Variants in RMST observed in about 807,000 individuals in gnomAD.
RMST encodes the protein long intergenic non-protein coding RNA 54.
intron 5 of RMST, among the ~76,000 whole-genome samples, chr12:97,469,558 A>G (rs1873647799): frequency 6.6e-6 from 1 of 152,054 alleles, no homozygotes; most frequent in African/African-American, 2.4e-5. Context: ...GAATGGTATC[A>G]TCATTACGTT....
chr12:97,548,678 C>T (rs989346617), intron 11 of RMST, among the ~76,000 whole-genome samples: 1 of 151,852 alleles, frequency 6.6e-6, no homozygotes, highest in African/African-American at 2.4e-5. Flanking sequence ...AGAAGTACTG[C>T]TAATTTTTAT....
At chr12:97,467,457 A>G (rs1272644508) in intron 5 of RMST, among the ~76,000 whole-genome samples, 2 of 152,026 alleles carry the variant, frequency 1.3e-5, no homozygotes, top group African/African-American at 4.8e-5. Flanking sequence ...TAATTAGACA[A>G]ATTTTTATAC....
intron 11 of RMST, among the ~76,000 whole-genome samples, chr12:97,556,888 G>A (rs1264185615): frequency 2.0e-5 from 3 of 152,060 alleles, no homozygotes; most frequent in Non-Finnish European, 4.4e-5. Flanking sequence ...ATAGACTTGG[G>A]AAAAAGGAGG....
At chr12:97,474,164 G>T (rs1194697519) in intron 5 of RMST, among the ~76,000 whole-genome samples, 1 of 152,082 alleles carries the variant, frequency 6.6e-6, no homozygotes, top group Admixed American at 6.6e-5. Context: ...ATCCTATTAC[G>T]TGAAGGGACT....
At chr12:97,504,693 T>C (rs1579200) in intron 10 of RMST, among the ~76,000 whole-genome samples, 128,927 of 152,154 alleles carry the variant, frequency 0.85, 55,260 homozygotes, top group African/African-American at 0.97. Context: ...AAAGGAGTCC[T>C]TAGAAAAATT....
At chr12:97,562,353 C>G (rs1884179026) in intron 13 of RMST, among the ~76,000 whole-genome samples, 1 of 152,108 alleles carries the variant, frequency 6.6e-6, no homozygotes, top group Admixed American at 6.5e-5. Context: ...AAGTGTTGAG[C>G]TGGCTAAGAA....
chr12:97,472,558 C>T (rs541252681), intron 5 of RMST, among the ~76,000 whole-genome samples: 1 of 152,240 alleles, frequency 6.6e-6, no homozygotes, highest in East Asian at 1.9e-4. Flanking sequence ...CAGTTACTTA[C>T]TGATTGGATC....
At chr12:97,516,948 G>C (rs1348593553) in intron 10 of RMST, among the ~76,000 whole-genome samples, 1 of 151,886 alleles carries the variant, frequency 6.6e-6, no homozygotes, top group African/African-American at 2.4e-5. Context: ...ATACCTAATA[G>C]TATTATTATG....
intron 11 of RMST, among the ~76,000 whole-genome samples, chr12:97,549,552 G>C (rs1883173509): frequency 6.6e-6 from 1 of 152,232 alleles, no homozygotes; most frequent in African/African-American, 2.4e-5. Context: ...CATGGTGTCT[G>C]TCTCAAGGGG....
intron 11 of RMST, chr12:97,532,603 G>A (rs1204498147): frequency 2.7e-5 from 4 of 148,752 alleles, no homozygotes; most frequent in African/African-American, 7.5e-5. Context: ...AGGTCTGTGA[G>A]GATTAGAAAG....
chr12:97,536,583 G>A (rs973483796), intron 11 of RMST, among the ~76,000 whole-genome samples: 10 of 151,426 alleles, frequency 6.6e-5, no homozygotes, highest in Non-Finnish European at 1.3e-4. Flanking sequence ...AGAGAGTGAG[G>A]AAGTGTTTGT....
intron 13 of RMST, chr12:97,563,985 G>T (rs926661298): frequency 4.5e-6 from 2 of 443,256 alleles, no homozygotes; most frequent in East Asian, 7.2e-5. Flanking sequence ...ACAAGATTTA[G>T]TGTATAGCTC....
Position 97,561,387 on chromosome 12 carries a change from C to T in RMST, n.1958+340C>T, listed in dbSNP as rs575365224. 1.7e-3 allele frequency among the ~76,000 whole-genome samples: 255 copies of T among 152,132 alleles called. 2 individuals are homozygous for T. The highest frequency in any genetic ancestry group is 6.8e-3 in the Middle Eastern group (2 of 294). ...TGTTCTGTCTTCTCTCTGTTGTGAA[C>T]GCAGGTTGGGAGAATTAGCCAACCA... On this transcript the variant is annotated intron_variant and non_coding_transcript_variant, in intron 13 of 13. Coordinates refer to ENST00000640149, the Ensembl canonical transcript of RMST.
chr12:97,470,249 C>T (rs562314706), intron 5 of RMST, among the ~76,000 whole-genome samples: 3 of 152,010 alleles, frequency 2.0e-5, no homozygotes, highest in East Asian at 1.9e-4. Flanking sequence ...CATTTTTTAC[C>T]GTGTCTGTGT....
intron 10 of RMST, among the ~76,000 whole-genome samples, chr12:97,526,270 A>G (rs901318235): frequency 2.6e-5 from 4 of 152,100 alleles, no homozygotes; most frequent in African/African-American, 9.7e-5. Flanking sequence ...GCTATAATAT[A>G]CAATACCCAT....
chr12:97,484,799 T>C (rs1875881694), intron 5 of RMST, among the ~76,000 whole-genome samples: 1 of 152,250 alleles, frequency 6.6e-6, no homozygotes, highest in Non-Finnish European at 1.5e-5. Context: ...TCTAGTGCCA[T>C]ATAATTTACA....
At chr12:97,495,405 G>A (rs1173884476) in intron 9 of RMST, among the ~76,000 whole-genome samples, 3 of 152,034 alleles carry the variant, frequency 2.0e-5, no homozygotes, top group Admixed American at 6.6e-5. Flanking sequence ...AAGCAATGGC[G>A]AGATGATGGA....
chr12:97,538,677 G>A (rs1803397552), intron 11 of RMST, among the ~76,000 whole-genome samples: 1 of 151,370 alleles, frequency 6.6e-6, no homozygotes, highest in Non-Finnish European at 1.5e-5. Context: ...TGATTTTCAT[G>A]ATGCAAATTT....
intron 11 of RMST, among the ~76,000 whole-genome samples, chr12:97,558,196 G>A (rs1481531403): frequency 1.3e-5 from 2 of 152,076 alleles, no homozygotes; most frequent in Non-Finnish European, 2.9e-5. Context: ...GTCCCATTGG[G>A]TCTTGGTCAA....
Sources: gnomAD v4.1 joint callset for allele counts (sites outside exome capture counted in the v4.1 genomes callset) on GRCh38, gnomAD v4.1.1 for gene constraint, MANE v1.5 for transcripts, NCBI Gene and HGNC (gene_info 2026-07-23, HGNC 2026-07-21) for gene names.